SLC7A5: variants seen among roughly 807,000 people sequenced by gnomAD.
The protein encoded by SLC7A5 is large neutral amino acids transporter small subunit 1.
In SLC7A5, 23 loss-of-function variants were observed where a neutral mutation model predicts 50.2. That is an observed-to-expected ratio of 0.46 (90% confidence interval 0.33 to 0.65). The LOEUF is 0.65. SLC7A5 is among the 30% of genes least tolerant of loss of function. The pLI, the probability that SLC7A5 is intolerant of heterozygous loss-of-function variation, is 0.02. For synonymous variants in SLC7A5, 393 were observed against 330.6 expected, an observed-to-expected ratio of 1.19 and a Z score of -2.05; for missense variants, 578 against 684.4, an observed-to-expected ratio of 0.84 and a Z score of 1.73.
In SLC7A5 at chr16:87,861,664, C is replaced by T. The variant is rs2055399914; in HGVS notation, c.538+7221G>A. On this transcript the variant is annotated intron_variant, in intron 1 of 9. Transcript: ENST00000261622. This position sits in a 1 kb window ranked among gnomAD's most constrained non-coding sequence, Gnocchi z 4.2. The stretch of plus-strand genomic sequence containing the variant: ...GTGGCTCTCAACCTGGCCTGGGCCC[C>T]CGGGGGTCTGCGCAACCCACCCTTC... Among the ~76,000 whole-genome samples, 1 of 152,204 alleles carries T rather than the reference C, an allele frequency of 6.6e-6. No homozygotes were observed. Among genetic ancestry groups the T allele is most frequent in the Admixed American group, 6.5e-5 (1 of 15,290 alleles).
rs1157207099 is a variant in SLC7A5 at position 87,833,417 on chromosome 16, C to A, written c.1469-392G>T. 2.0e-5 allele frequency among the ~76,000 whole-genome samples: 3 copies of A among 152,228 alleles called. No homozygotes were observed. The highest frequency in any genetic ancestry group is 2.9e-5 in the Non-Finnish European group (2 of 68,040). On this transcript the variant is annotated intron_variant, in intron 9 of 9. Transcript: ENST00000261622. This position sits in a 1 kb window ranked among gnomAD's most constrained non-coding sequence, Gnocchi z 6.0. Reference sequence around the variant, plus strand: ...ACATGCCTGGACTGTTCACAGCAGGCAGGGCCGGAGGGGCCAATCTGCTAA... The same window carrying A: ...ACATGCCTGGACTGTTCACAGCAGGAAGGGCCGGAGGGGCCAATCTGCTAA...
chr16:87,857,009 G>A (rs200603265), intron 1 of SLC7A5, among the ~76,000 whole-genome samples: 2 of 66,552 alleles, frequency 3.0e-5, no homozygotes, highest in African/African-American at 1.5e-4. Context: ...TCACCGCCCC[G>A]GGCTCCAGAA....
chr16:87,840,344 C>G (rs2055067381), intron 4 of SLC7A5, 85 bp downstream of exon 4: 1 of 1,260,960 alleles, frequency 7.9e-7, no homozygotes, highest in African/African-American at 1.5e-5. Flanking sequence ...CTGAGCCGAC[C>G]AACAGGCTTC....
At position 87,861,151 on chromosome 16, in the gene SLC7A5, G is replaced by A. The variant is rs575005688; in HGVS notation, c.538+7734C>T. 6.6e-6 allele frequency among the ~76,000 whole-genome samples: 1 copy of A among 152,340 alleles called. No individual in the cohort carries two copies. Among genetic ancestry groups the A allele is most frequent in the East Asian group, 1.9e-4 (1 of 5,180 alleles). On this transcript the variant is annotated intron_variant, in intron 1 of 9. Coordinates refer to ENST00000261622, the MANE Select transcript of SLC7A5 (RefSeq NM_003486.7). The surrounding 1 kb of genome is among the most constrained non-coding windows in gnomAD (Gnocchi z 4.2). ...CCTGCAGACGGGCCAGGCAAGGCCT[G>A]CCCATGGCCAGCTATCCAGGTGATG...
At chr16:87,842,630 A>G (rs918307254) in intron 2 of SLC7A5, among the ~76,000 whole-genome samples, 8 of 152,138 alleles carry the variant, frequency 5.3e-5, no homozygotes, top group African/African-American at 9.7e-5. Context: ...CCCAGATGCC[A>G]GGTGTGCTGG....
At position 87,860,578 on chromosome 16, in the gene SLC7A5, C is replaced by A. The variant is rs1431693812; in HGVS notation, c.538+8307G>T. 6.6e-6 allele frequency among the ~76,000 whole-genome samples: 1 copy of A among 152,164 alleles called. No individual in the cohort carries two copies. The highest frequency in any genetic ancestry group is 1.5e-5 in the Non-Finnish European group (1 of 68,022). On this transcript the variant is annotated intron_variant, in intron 1 of 9. Transcript: ENST00000261622. The surrounding 1 kb of genome is among the most constrained non-coding windows in gnomAD (Gnocchi z 4.8). ...TATGAACTCCAGCTGTGGCCCACCC[C>A]CTGGGGCACATGTCCTCAGGGCCTC...
intron 4 of SLC7A5, among the ~76,000 whole-genome samples, 197 bp downstream of exon 4, chr16:87,840,232 G>A (rs968249116): frequency 6.6e-5 from 10 of 152,194 alleles, no homozygotes; most frequent in Non-Finnish European, 1.2e-4. Flanking sequence ...CTTGCCACCC[G>A]TTCTCTGGAG....
rs761095589 is a variant in SLC7A5 at position 87,836,478 on chromosome 16, G to C, written c.1290+20C>G. ...GCCTCTGTGAAGGGTGCCTGGGTGA[G>C]CGGGAGGCCCCGGGCTCACCTTGAT... On this transcript the variant is annotated intron_variant, in intron 8 of 9. Coordinates refer to ENST00000261622, the MANE Select transcript of SLC7A5 (RefSeq NM_003486.7). The C allele has an allele frequency of 2.5e-6, 4 of 1,606,550 alleles. No individual in the cohort carries two copies. The highest frequency in any genetic ancestry group is 1.1e-5 in the South Asian group (1 of 91,076).
At chr16:87,858,322 G>A (rs1172301969) in intron 1 of SLC7A5, among the ~76,000 whole-genome samples, 4 of 152,170 alleles carry the variant, frequency 2.6e-5, no homozygotes, top group Non-Finnish European at 5.9e-5. Context: ...AGTCACCGCA[G>A]CATGAGTATC....
intron 1 of SLC7A5, among the ~76,000 whole-genome samples, chr16:87,858,562 G>A (rs1398191684): frequency 2.0e-5 from 3 of 152,164 alleles, no homozygotes; most frequent in Non-Finnish European, 2.9e-5. Flanking sequence ...TTTTATAGCC[G>A]GGGTAAACGT....
chr16:87,837,998 CAG>C, intron 6 of SLC7A5, 57 bp from the exon 7 acceptor site: 1 of 1,337,098 alleles, frequency 7.5e-7, no homozygotes, highest in Non-Finnish European at 1.1e-6. Context: ...AGCACGTGGA[CAG>C]GGGACACGCA....
At position 87,861,179 on chromosome 16, in the gene SLC7A5, C is replaced by T. The variant is rs1194532408; in HGVS notation, c.538+7706G>A. Among the ~76,000 whole-genome samples, 4 of 152,158 alleles carry T rather than the reference C, an allele frequency of 2.6e-5. No individual in the cohort carries two copies. The highest frequency in any genetic ancestry group is 9.7e-5 in the African/African-American group (4 of 41,436). The stretch of plus-strand genomic sequence containing the variant: ...CATGGCCAGCTATCCAGGTGATGCT[C>T]CAGGGAGGGCCAGGCCTACTGGGGG... On this transcript the variant is annotated intron_variant, in intron 1 of 9. Coordinates refer to ENST00000261622, the MANE Select transcript of SLC7A5 (RefSeq NM_003486.7). The surrounding 1 kb of genome is among the most constrained non-coding windows in gnomAD (Gnocchi z 4.2).
rs2054959595 is a variant in SLC7A5 at position 87,833,634 on chromosome 16, GGT to G, written c.1469-611_1469-610del. Among the ~76,000 whole-genome samples the G allele has an allele frequency of 6.4e-5, 8 of 124,040 alleles. No homozygotes were observed. The highest frequency in any genetic ancestry group is 5.0e-4 in the African/African-American group (8 of 15,870). The allele number at this position is 124,040 out of a possible 152,430, so 81.4% of individuals were successfully genotyped here. On this transcript the variant is annotated intron_variant, in intron 9 of 9. Transcript: ENST00000261622. The surrounding 1 kb of genome is among the most constrained non-coding windows in gnomAD (Gnocchi z 6.0). ...GACCCTGGCGGTGATCAGAGTGTGG[GGT>G]AGGGGTGGGGGGTCTCCCTGCCTGT...
chr16:87,852,653 T>TGA lies in SLC7A5; in HGVS notation c.539-805_539-804insTC, dbSNP rs1426160663. Among the ~76,000 whole-genome samples the TGA allele has an allele frequency of 6.8e-6, 1 of 146,392 alleles. No individual in the cohort carries two copies. Among genetic ancestry groups the TGA allele is most frequent in the African/African-American group, 2.6e-5 (1 of 38,914 alleles). On this transcript the variant is annotated intron_variant, in intron 1 of 9. Transcript: ENST00000261622. The surrounding 1 kb of genome is among the most constrained non-coding windows in gnomAD (Gnocchi z 4.5). ...CTCTGAGCCTCTGTGTGTGTGTGTG[T>TGA]GTGTGTGTGTGTGTGTGTGTGTGTG...
Position 87,853,702 on chromosome 16 carries a change from G to C in SLC7A5, c.539-1853C>G, listed in dbSNP as rs2055269437. 6.6e-6 allele frequency among the ~76,000 whole-genome samples: 1 copy of C among 152,000 alleles called. No homozygotes were observed. Among genetic ancestry groups the C allele is most frequent in the Non-Finnish European group, 1.5e-5 (1 of 68,024 alleles). On this transcript the variant is annotated intron_variant, in intron 1 of 9. Transcript: ENST00000261622. This position sits in a 1 kb window ranked among gnomAD's most constrained non-coding sequence, Gnocchi z 4.4. The stretch of plus-strand genomic sequence containing the variant: ...AAACTGAGCCTCGGGGACCTAGCCG[G>C]CTTCTGGAGAGCTTTCTGGATTCGC...
rs958754432 is a variant in SLC7A5, at chr16:87,860,671, C to T, written c.538+8214G>A. 2.0e-5 allele frequency among the ~76,000 whole-genome samples: 3 copies of T among 152,174 alleles called. No individual in the cohort carries two copies. The highest frequency in any genetic ancestry group is 4.8e-5 in the African/African-American group (2 of 41,444). On this transcript the variant is annotated intron_variant, in intron 1 of 9. Coordinates refer to ENST00000261622, the MANE Select transcript of SLC7A5 (RefSeq NM_003486.7). The surrounding 1 kb of genome is among the most constrained non-coding windows in gnomAD (Gnocchi z 4.8). The stretch of plus-strand genomic sequence containing the variant: ...AACATTTTACAGAGTCTGGCTTTCT[C>T]GTTAACAAGCAGCTCACACATACAG...
intron 1 of SLC7A5, among the ~76,000 whole-genome samples, chr16:87,863,020 G>A (rs1483126344): frequency 1.3e-5 from 2 of 152,200 alleles, no homozygotes; most frequent in Admixed American, 6.5e-5. Context: ...GTGACGGCAC[G>A]CCTGGGACTG....
intron 2 of SLC7A5, among the ~76,000 whole-genome samples, chr16:87,849,161 G>C (rs751004059): frequency 6.6e-6 from 1 of 152,258 alleles, no homozygotes; most frequent in Non-Finnish European, 1.5e-5. Context: ...CTGCCTTGAA[G>C]TATCTGGGGG....
intron 2 of SLC7A5, among the ~76,000 whole-genome samples, chr16:87,845,558 C>G (rs910819621): frequency 6.6e-6 from 1 of 150,496 alleles, no homozygotes; most frequent in Non-Finnish European, 1.5e-5. Flanking sequence ...CCACGCCCAC[C>G]CTAGGCCACG....
Sources: allele counts gnomAD v4.1 joint callset (sites outside exome capture counted in the v4.1 genomes callset), GRCh38; gene constraint gnomAD v4.1.1; non-coding constraint Gnocchi (gnomAD v3.1); transcripts MANE v1.5; gene names NCBI Gene and HGNC (gene_info 2026-07-23, HGNC 2026-07-21).